Variants in TUBB observed in about 807,000 individuals in gnomAD.
The protein encoded by TUBB is tubulin beta chain.
Under a neutral mutation model 35.1 loss-of-function variants are expected in TUBB, and 2 were observed. The observed-to-expected ratio is 0.06, with a 90% CI of 0.02 to 0.18. The LOEUF (loss-of-function observed/expected upper bound fraction) is 0.18, where lower values mean the gene tolerates loss of function less well. TUBB is among the 10% of genes least tolerant of loss of function. The pLI, the probability that TUBB is intolerant of heterozygous loss-of-function variation, is 1.00. For missense variants in TUBB, 50 were observed against 599.4 expected (o/e 0.08, Z 9.57); for synonymous variants, 205 against 223.8 (o/e 0.92, Z 0.75).
At chr6:30,722,691 C>T (rs529870283) in intron 2 of TUBB, 46 bp downstream of exon 2, 22 of 1,481,060 alleles carry the variant, frequency 1.5e-5, no homozygotes, top group African/African-American at 4.2e-5. Flanking sequence ...CCCTGTCTCC[C>T]ACTTATCTGG....
intron 1 of TUBB, chr6:30,721,865 C>T: frequency 5.1e-6 from 5 of 985,606 alleles, no homozygotes; most frequent in Non-Finnish European, 6.0e-6. Flanking sequence ...GGCCTGAGCG[C>T]TTGTGGAATT....
chr6:30,721,732 C>G (rs1776284502), intron 1 of TUBB: 1 of 984,844 alleles, frequency 1.0e-6, no homozygotes, highest in African/African-American at 1.8e-5. Context: ...CCTCCATCCG[C>G]CCACCGAGCA....
In TUBB at chr6:30,723,001, A is replaced by G; in HGVS notation, c.250A>G (p.Ile84Val). Residue 84 changes from isoleucine (I) to valine (V), a missense_variant, in exon 3 of 4, where the codon ATC becomes GTC. Around this residue, in one of 2 missense-constraint regions of TUBB, gnomAD observed 38 missense variants for 578.9 expected, o/e 0.07. Transcript: ENST00000327892. Reference sequence around the variant, plus strand: ...TGTTCGCTCAGGTCCTTTTGGCCAGATCTTTAGACCAGACAACTTTGTATT... The same window carrying G: ...TGTTCGCTCAGGTCCTTTTGGCCAGGTCTTTAGACCAGACAACTTTGTATT... ...DSVRSGPFGQ[I>V]FRPDNFVFGQ... 1.2e-6 allele frequency: 2 copies of G among 1,612,596 alleles called. No individual in the cohort carries two copies. The highest frequency in any genetic ancestry group is 1.7e-6 in the Non-Finnish European group (2 of 1,179,582).
At chr6:30,722,841 G>A (rs1366236776) in intron 2 of TUBB, 77 bp from the exon 3 acceptor site, 12 of 1,317,328 alleles carry the variant, frequency 9.1e-6, no homozygotes, top group Admixed American at 7.7e-5. Flanking sequence ...TCTGATCCCT[G>A]CTGTCTCCCA....
intron 1 of TUBB, chr6:30,722,251 C>A: frequency 2.6e-6 from 1 of 387,328 alleles, no homozygotes; most frequent in Non-Finnish European, 4.9e-6. Context: ...CTAGACCATC[C>A]TGGCCAACAT....
At chr6:30,723,138 C>T in intron 3 of TUBB, 110 bp downstream of exon 3, 1 of 1,041,760 alleles carries the variant, frequency 9.6e-7, no homozygotes. Flanking sequence ...AGTGCTAATA[C>T]AGAAATGTGT....
intron 2 of TUBB, 89 bp downstream of exon 2, chr6:30,722,734 C>A (rs1776371001): frequency 8.0e-7 from 1 of 1,251,480 alleles, no homozygotes; most frequent in Non-Finnish European, 1.1e-6. Context: ...CGCCTTATCC[C>A]CTTTGGGTGA....
In TUBB at chr6:30,720,571, T is replaced by C. The variant is rs751594027; in HGVS notation, c.57+8T>C. 1.7e-5 allele frequency: 27 copies of C among 1,607,394 alleles called. No individual in the cohort carries two copies. Among genetic ancestry groups the C allele is most frequent in the Non-Finnish European group, 2.5e-6 (3 of 1,177,420 alleles). On this transcript the variant is annotated splice_region_variant and intron_variant, in intron 1 of 3. Coordinates refer to ENST00000327892, the MANE Select transcript of TUBB (RefSeq NM_178014.4). ...AACCAGATCGGTGCCAAGGTAAGAA[T>C]TTTACACCTCTTTTATTTCTTTTTA...
chr6:30,720,855 A>G (rs879907915), intron 1 of TUBB, among the ~76,000 whole-genome samples: 2 of 152,286 alleles, frequency 1.3e-5, no homozygotes, highest in Non-Finnish European at 2.9e-5. Flanking sequence ...TAACGGTCCG[A>G]GAACCGGGCA....
chr6:30,722,581 C>T lies in TUBB; in HGVS notation c.102C>T (p.Gly34=), dbSNP rs766261256. ...ATGAACATGGCATCGACCCCACCGG[C>T]ACCTACCACGGGGACAGCGACCTGC... is the stretch of plus-strand genomic sequence containing the variant. ...ISDEHGIDPT[G]TYHGDSDLQL... is the part of the protein sequence containing the mutation. The change falls in exon 2 of 4, where the codon GGC becomes GGT. Residue 34 remains glycine, a synonymous_variant. Coordinates refer to ENST00000327892, the MANE Select transcript of TUBB (RefSeq NM_178014.4). 4.3e-6 allele frequency: 7 copies of T among 1,614,040 alleles called. No individual in the cohort carries two copies. In the African/African-American group the frequency reaches 9.3e-5, roughly 22 times the overall value.
chr6:30,722,360 T>A, intron 1 of TUBB, 177 bp from the exon 2 acceptor site: 1 of 588,716 alleles, frequency 1.7e-6, no homozygotes, highest in Non-Finnish European at 3.1e-6. Context: ...GGAGAATCGC[T>A]TGAACCCGGG....
intron 1 of TUBB, among the ~76,000 whole-genome samples, chr6:30,721,349 C>A (rs1167033149): frequency 2.9e-5 from 4 of 140,234 alleles, no homozygotes; most frequent in Non-Finnish European, 6.1e-5. Context: ...TTTTTTTGCG[C>A]GCGGTTACAG....
Position 30,725,053 on chromosome 6 carries a change from C to G in TUBB, c.*656C>G, listed in dbSNP as rs957969962. ...TACCTCCCTCACTCAGCTCCTTTCCCCTGATCAGAGAAAGGGATCAAGGGG... is the reference window on the plus strand; with the variant it reads ...TACCTCCCTCACTCAGCTCCTTTCCGCTGATCAGAGAAAGGGATCAAGGGG... On this transcript the variant is annotated 3_prime_UTR_variant, in exon 4 of 4. Transcript: ENST00000327892. 1.3e-5 allele frequency: 2 copies of G among 152,386 alleles called. No homozygotes were observed. The highest frequency in any genetic ancestry group is 4.8e-5 in the African/African-American group (2 of 41,422). The allele number at this position is 152,386 out of a possible 1,614,324, so 9.4% of individuals were successfully genotyped here. A position where few individuals can be genotyped will look rare whatever the true frequency, so the allele number is the denominator to read the frequency against.
At chr6:30,722,830 C>T in intron 2 of TUBB, 88 bp from the exon 3 acceptor site, 3 of 1,266,062 alleles carry the variant, frequency 2.4e-6, no homozygotes, top group Non-Finnish European at 3.4e-6. Flanking sequence ...AATGACAAGT[C>T]TCTGATCCCT....
intron 1 of TUBB, 60 bp downstream of exon 1, chr6:30,720,623 A>G (rs1776153193): frequency 1.3e-6 from 2 of 1,545,790 alleles, no homozygotes; most frequent in East Asian, 2.3e-5. Flanking sequence ...TAAGTTATGA[A>G]AAAATGGTTG....
rs914795429 is a variant in TUBB, at chr6:30,721,571, C to T, written c.58-966C>T. 90 of 985,272 alleles carry T rather than the reference C, an allele frequency of 9.1e-5. 1 individual carries two copies. In the African/African-American group the frequency reaches 1.3e-3, roughly 15 times the overall value. The allele number at this position is 985,272 out of a possible 1,614,324, so 61.0% of individuals were successfully genotyped here. ...CGAAGTCTTTTGTCGGCGGCTCGAC[C>T]TGCGCGTGCGCCGCAGTCACGTGGA... On this transcript the variant is annotated intron_variant, in intron 1 of 3. Coordinates refer to ENST00000327892, the MANE Select transcript of TUBB (RefSeq NM_178014.4).
intron 2 of TUBB, 115 bp downstream of exon 2, chr6:30,722,760 C>T: frequency 8.6e-7 from 1 of 1,164,972 alleles, no homozygotes; most frequent in South Asian, 1.4e-5. Context: ...TCATTTTGTC[C>T]CTTTCGTGAA....
chr6:30,723,623 C>T lies in TUBB; in HGVS notation c.561C>T (p.Leu187=). ...DTVVEPYNAT[L]SVHQLVENTD... is the part of the protein sequence containing the mutation. Reference sequence around the variant, plus strand: ...TGGTCGAGCCCTACAATGCCACCCTCTCCGTCCATCAGTTGGTAGAGAATA... The same window carrying T: ...TGGTCGAGCCCTACAATGCCACCCTTTCCGTCCATCAGTTGGTAGAGAATA... Residue 187 remains leucine, a synonymous_variant, in exon 4 of 4, where the codon CTC becomes CTT. Transcript: ENST00000327892. The T allele has an allele frequency of 6.2e-7, 1 of 1,614,250 alleles. No individual in the cohort carries two copies. The highest frequency in any genetic ancestry group is 8.5e-7 in the Non-Finnish European group (1 of 1,180,036).
chr6:30,720,586 A>G (rs1168481622), intron 1 of TUBB, 23 bp downstream of exon 1: 1 of 1,600,312 alleles, frequency 6.2e-7, no homozygotes, highest in African/African-American at 1.4e-5. Flanking sequence ...CACCTCTTTT[A>G]TTTCTTTTTA....
Sources: allele counts gnomAD v4.1 joint callset (sites outside exome capture counted in the v4.1 genomes callset), GRCh38; gene constraint gnomAD v4.1.1; regional missense constraint gnomAD v4.1.1; transcripts MANE v1.5; gene names NCBI Gene and HGNC (gene_info 2026-07-23, HGNC 2026-07-21).